VPS41: variants seen among roughly 807,000 people sequenced by gnomAD.
VPS41 encodes VPS41 subunit of HOPS complex.
A neutral mutation model predicts 130.9 loss-of-function variants in VPS41; 85 were observed. The observed-to-expected ratio is 0.65, with a 90% confidence interval of 0.55 to 0.78. The LOEUF is 0.78. Among genes scored for constraint, VPS41 ranks in the 30% least tolerant of loss-of-function variants. The probability of loss-of-function intolerance (pLI) is 0.00; values close to 1 mark genes in which losing one functional copy is unlikely to be tolerated. For missense variants in VPS41, 874 were observed against 1,018.7 expected, an observed-to-expected ratio of 0.86 and a Z score of 1.93; for synonymous variants, 335 against 332.9, an observed-to-expected ratio of 1.01 and a Z score of -0.07.
At chr7:38,733,165 T>C (rs1242105457) in intron 25 of VPS41, among the ~76,000 whole-genome samples, 1 of 152,240 alleles carries the variant, frequency 6.6e-6, no homozygotes, top group Non-Finnish European at 1.5e-5. Context: ...TCTCTAAAAC[T>C]GTCTATGGAA....
At chr7:38,887,385 C>T (rs780429496) in intron 2 of VPS41, among the ~76,000 whole-genome samples, 5 of 152,164 alleles carry the variant, frequency 3.3e-5, no homozygotes, top group Non-Finnish European at 7.3e-5. Context: ...AAAGCATACA[C>T]AAGCTTCAAT....
intron 5 of VPS41, 124 bp from the exon 6 acceptor site, chr7:38,821,389 T>G: frequency 1.5e-6 from 1 of 667,246 alleles, no homozygotes. Flanking sequence ...CCCCGTGACC[T>G]CTATTAAATA....
intron 3 of VPS41, among the ~76,000 whole-genome samples, chr7:38,866,563 G>C (rs1786233612): frequency 6.6e-6 from 1 of 152,128 alleles, no homozygotes; most frequent in African/African-American, 2.4e-5. Flanking sequence ...AGAGGGAAAT[G>C]AAAATGAATT....
intron 10 of VPS41, among the ~76,000 whole-genome samples, chr7:38,781,344 T>A (rs1363911007): frequency 6.6e-6 from 1 of 152,234 alleles, no homozygotes; most frequent in Non-Finnish European, 1.5e-5. Flanking sequence ...TGGCTAATGG[T>A]TATCACATTT....
At chr7:38,743,648 A>G in intron 23 of VPS41, 106 bp from the exon 24 acceptor site, 1 of 1,336,468 alleles carries the variant, frequency 7.5e-7, no homozygotes, top group Non-Finnish European at 1.0e-6. Context: ...GAAAGCTAAG[A>G]CAAGGCTATT....
At chr7:38,830,206 TG>T in intron 5 of VPS41, 47 bp downstream of exon 5, 2 of 1,237,152 alleles carry the variant, frequency 1.6e-6, no homozygotes, top group Non-Finnish European at 1.2e-6. Flanking sequence ...TCCGATCACC[TG>T]GGGCTGGCGC....
At chr7:38,901,016 T>C (rs1787128417) in intron 1 of VPS41, among the ~76,000 whole-genome samples, 1 of 152,134 alleles carries the variant, frequency 6.6e-6, no homozygotes, top group Non-Finnish European at 1.5e-5. Flanking sequence ...TGAGAATGAG[T>C]CAGTGGTTTT....
At chr7:38,782,816 G>T (rs10249968) in intron 10 of VPS41, among the ~76,000 whole-genome samples, 151,342 of 152,332 alleles carry the variant, frequency 0.99, 75,183 homozygotes, top group East Asian at 1. Context: ...TACAACTTAA[G>T]TCAATGAAGA....
At chr7:38,809,297 A>G (rs1439272519) in intron 7 of VPS41, among the ~76,000 whole-genome samples, 2 of 150,314 alleles carry the variant, frequency 1.3e-5, no homozygotes, top group Non-Finnish European at 3.0e-5. Context: ...AGCCTGGCCA[A>G]CATAGTGAAA....
chr7:38,782,276 GC>G (rs917432637), intron 10 of VPS41, among the ~76,000 whole-genome samples: 11 of 152,204 alleles, frequency 7.2e-5, no homozygotes, highest in African/African-American at 2.4e-4. Context: ...TCTCAGAGCA[GC>G]CTCTTGGCCT....
At position 38,726,189 on chromosome 7, in the gene VPS41, GT is replaced by G; in HGVS notation, c.*56del. 2 of 1,221,408 alleles carry G rather than the reference GT, an allele frequency of 1.6e-6. No homozygotes were observed. Among genetic ancestry groups the G allele is most frequent in the East Asian group, 4.7e-5 (2 of 42,894 alleles). 75.7% of individuals were successfully genotyped at this position (1,221,408 alleles called of 1,614,324 possible). A position where few individuals can be genotyped will look rare whatever the true frequency, so the allele number is the denominator to read the frequency against. ...ACGAGTGTCAACAAATGCTTTTGTT[GT>G]TGCAAAAACAGTCTCAAAAAGAGTG... is the stretch of plus-strand genomic sequence containing the variant. On this transcript the variant is annotated 3_prime_UTR_variant, in exon 29 of 29. Coordinates refer to ENST00000310301, the MANE Select transcript of VPS41 (RefSeq NM_014396.4).
intron 10 of VPS41, among the ~76,000 whole-genome samples, chr7:38,783,690 G>A (rs1784392124): frequency 6.6e-6 from 1 of 152,090 alleles, no homozygotes; most frequent in Non-Finnish European, 1.5e-5. Flanking sequence ...AGCCCCTTAA[G>A]CCAGAAATGG....
intron 2 of VPS41, among the ~76,000 whole-genome samples, chr7:38,876,263 T>C (rs1786488910): frequency 6.6e-6 from 1 of 152,214 alleles, no homozygotes; most frequent in South Asian, 2.1e-4. Flanking sequence ...GATAAAATAT[T>C]ACATTTACAT....
chr7:38,887,519 T>C (rs1421129873), intron 2 of VPS41, among the ~76,000 whole-genome samples: 2 of 151,954 alleles, frequency 1.3e-5, no homozygotes, highest in African/African-American at 2.4e-5. Flanking sequence ...CCAAGAAATA[T>C]GGGACTATGT....
intron 25 of VPS41, among the ~76,000 whole-genome samples, chr7:38,738,952 A>G (rs772692247): frequency 2.0e-5 from 3 of 152,232 alleles, no homozygotes; most frequent in Non-Finnish European, 4.4e-5. Context: ...GAGCTGTTAC[A>G]TTTTAGAAAA....
chr7:38,797,481 C>A (rs1447577937), intron 7 of VPS41, among the ~76,000 whole-genome samples: 1 of 152,122 alleles, frequency 6.6e-6, no homozygotes, highest in African/African-American at 2.4e-5. Flanking sequence ...TAAAATATAA[C>A]TGGTCAAAAA....
chr7:38,858,300 T>C (rs556208078), intron 4 of VPS41, among the ~76,000 whole-genome samples: 135 of 152,344 alleles, frequency 8.9e-4, no homozygotes, highest in African/African-American at 3.1e-3. Flanking sequence ...TGTGATGCTA[T>C]ATTAGAGTCA....
intron 4 of VPS41, among the ~76,000 whole-genome samples, chr7:38,832,531 T>A (rs191827626): frequency 6.6e-6 from 1 of 152,228 alleles, no homozygotes; most frequent in Admixed American, 6.5e-5. Flanking sequence ...TCTTTGTCCA[T>A]TTCTGTATCA....
intron 4 of VPS41, among the ~76,000 whole-genome samples, chr7:38,852,144 A>G (rs1785870575): frequency 6.6e-6 from 1 of 152,148 alleles, no homozygotes; most frequent in Non-Finnish European, 1.5e-5. Flanking sequence ...GCCCAGATGA[A>G]CCAAGCATGC....
Sources: allele counts gnomAD v4.1 joint callset (sites outside exome capture counted in the v4.1 genomes callset), GRCh38; gene constraint gnomAD v4.1.1; transcripts MANE v1.5; gene names NCBI Gene and HGNC (gene_info 2026-07-23, HGNC 2026-07-21).